The following TMEM259 variants were observed in gnomAD, a reference collection of about 807,000 sequenced individuals.
TMEM259 encodes the protein membralin.
In TMEM259, 26 loss-of-function variants were observed where a neutral mutation model predicts 46.7. That is an observed-to-expected ratio of 0.56 (90% CI 0.41 to 0.77). The LOEUF is 0.77. Ranked by LOEUF, TMEM259 falls within the 30% of genes least tolerant of loss-of-function variation. The probability of loss-of-function intolerance (pLI) is 0.00; values close to 1 mark genes in which losing one functional copy is unlikely to be tolerated. For missense variants in TMEM259, 930 were observed against 900.5 expected (o/e 1.03, Z -0.42); for synonymous variants, 494 against 395.1 (o/e 1.25, Z -2.97).
At position 1,010,171 on chromosome 19, in the gene TMEM259, C is replaced by T. The variant is rs1291004797; in HGVS notation, c.*179G>A. On this transcript the variant is annotated 3_prime_UTR_variant, in exon 11 of 11. Coordinates refer to ENST00000356663, the MANE Select transcript of TMEM259 (RefSeq NM_001033026.2). ...CTCACTAGCGGGTACAAGCCTCGGG[C>T]GCGACCTCACACCAGGGGGAGGAAA... 3 of 584,986 alleles carry T rather than the reference C, an allele frequency of 5.1e-6. No individual in the cohort carries two copies. The highest frequency in any genetic ancestry group is 8.5e-6 in the Non-Finnish European group (3 of 351,992). 36.2% of individuals were successfully genotyped at this position (584,986 alleles called of 1,614,324 possible).
At chr19:1,014,558 G>A (rs1012182787) in intron 1 of TMEM259, 85 bp from the exon 2 acceptor site, 1 of 1,129,976 alleles carries the variant, frequency 8.8e-7, no homozygotes, top group South Asian at 1.5e-5. Context: ...GCGTGATGGG[G>A]CGCGCTGGGA....
Position 1,012,045 on chromosome 19 carries a change from CGGCCCCGG to C in TMEM259, c.841+13_841+20del. ...GCCCCCACCCGCGCCCTCGCACCCT[CGGCCCCGG>C]GGCATGCCTCACCCTTGTTCTCCTC... On this transcript the variant is annotated intron_variant, in intron 5 of 10. Transcript: ENST00000356663. 6.2e-7 allele frequency: 1 copy of C among 1,611,896 alleles called. No individual in the cohort carries two copies. The highest frequency in any genetic ancestry group is 1.1e-5 in the South Asian group (1 of 91,008).
rs1253810109 is a variant in TMEM259 at position 1,012,072 on chromosome 19, TCTC to T, written c.832_834del (p.Glu278del). The T allele has an allele frequency of 2.5e-6, 4 of 1,612,046 alleles. No individual in the cohort carries two copies. The highest frequency in any genetic ancestry group is 1.3e-5 in the African/African-American group (1 of 74,878). On this transcript the variant is annotated inframe_deletion, in exon 5 of 11. Transcript: ENST00000356663. ...GCCCCGGGGCATGCCTCACCCTTGT[TCTC>T]CTCGTTCTCGGCCAGGCCCTTCACG...
intron 2 of TMEM259, among the ~76,000 whole-genome samples, chr19:1,013,935 C>T (rs1015296720): frequency 6.6e-6 from 1 of 152,194 alleles, no homozygotes; most frequent in Non-Finnish European, 1.5e-5. Flanking sequence ...CTCAAAGGCC[C>T]GAGTCTGCCC....
chr19:1,016,654 G>A (rs890810431), intron 1 of TMEM259, among the ~76,000 whole-genome samples: 7 of 152,198 alleles, frequency 4.6e-5, no homozygotes, highest in Non-Finnish European at 7.3e-5. Flanking sequence ...TGACACAGAG[G>A]TCCCGACAGA....
intron 4 of TMEM259, 51 bp downstream of exon 4, chr19:1,012,412 G>A: frequency 2.0e-6 from 3 of 1,537,966 alleles, no homozygotes; most frequent in South Asian, 1.2e-5. Flanking sequence ...ACCCGAGGGA[G>A]GAGGGGAGGC....
chr19:1,010,009 A>G lies in TMEM259; in HGVS notation c.*341T>C. 2.9e-6 allele frequency: 1 copy of G among 342,134 alleles called. No homozygotes were observed. Among genetic ancestry groups the G allele is most frequent in the Non-Finnish European group, 5.3e-6 (1 of 189,036 alleles). The allele number at this position is 342,134 out of a possible 1,614,324, so 21.2% of individuals were successfully genotyped here. On this transcript the variant is annotated 3_prime_UTR_variant, in exon 11 of 11. Coordinates refer to ENST00000356663, the MANE Select transcript of TMEM259 (RefSeq NM_001033026.2). ...CCCACCCCAAGCCGGCCTCTCCTCC[A>G]CACCTCCGCCTTGCTCAGAGACCTG...
chr19:1,012,417 G>A (rs112926823), intron 4 of TMEM259, 46 bp downstream of exon 4: 303,108 of 1,539,362 alleles, frequency 0.2, 31,080 homozygotes, highest in Non-Finnish European at 0.21. Context: ...AGGGAGGAGG[G>A]GAGGCCCCGC....
At chr19:1,012,393 C>T (rs1568402410) in intron 4 of TMEM259, 70 bp downstream of exon 4, 1 of 1,526,278 alleles carries the variant, frequency 6.6e-7, no homozygotes, top group Non-Finnish European at 8.8e-7. Context: ...CCCGCACCAG[C>T]AGGAGGAGAC....
In TMEM259 at chr19:1,014,323, G is replaced by A. The variant is rs2039036736; in HGVS notation, c.376C>T (p.Leu126=). 2.5e-6 allele frequency: 4 copies of A among 1,613,002 alleles called. No individual in the cohort carries two copies. Among genetic ancestry groups the A allele is most frequent in the African/African-American group, 1.3e-5 (1 of 74,948 alleles). The stretch of plus-strand genomic sequence containing the variant: ...CGGCCGCCGCTGTCACAGAACTGTA[G>A]GAAGACGGGCGCGCGGCTCGAGTTG... ...RHNSSRAPVF[L]QFCDSGGRGS... The change falls in exon 2 of 11, where the codon CTA becomes TTA. Residue 126 remains leucine, a synonymous_variant. Coordinates refer to ENST00000356663, the MANE Select transcript of TMEM259 (RefSeq NM_001033026.2).
Position 1,011,726 on chromosome 19 carries a change from C to CG in TMEM259, c.1000+14dup. 1 of 1,537,602 alleles carries CG rather than the reference C, an allele frequency of 6.5e-7. No individual in the cohort carries two copies. Among genetic ancestry groups the CG allele is most frequent in the Non-Finnish European group, 8.8e-7 (1 of 1,139,830 alleles). ...GGAGGACGCCCGCCCCGCCCTGCGC[C>CG]GGCGGGACACTCACCGATGAAGACG... On this transcript the variant is annotated intron_variant, in intron 7 of 10. Transcript: ENST00000356663.
rs1402209546 is a variant in TMEM259, at chr19:1,014,329, C to T, written c.370G>A (p.Val124Ile). The change falls in exon 2 of 11, where the codon GTC becomes ATC. Residue 124 changes from valine (V) to isoleucine (I), a missense_variant. Coordinates refer to ENST00000356663, the MANE Select transcript of TMEM259 (RefSeq NM_001033026.2). ...EVRHNSSRAPVFLQFCDSGGR... is the reference protein window; with the variant it reads ...EVRHNSSRAPIFLQFCDSGGR... ...CCGCTGTCACAGAACTGTAGGAAGA[C>T]GGGCGCGCGGCTCGAGTTGTGCCGC... 3.1e-6 allele frequency: 5 copies of T among 1,613,108 alleles called. No individual in the cohort carries two copies. The highest frequency in any genetic ancestry group is 1.7e-5 in the Admixed American group (1 of 60,022).
chr19:1,010,975 G>A (rs2038893405), intron 10 of TMEM259, 80 bp from the exon 11 acceptor site: 1 of 1,549,856 alleles, frequency 6.5e-7, no homozygotes, highest in Non-Finnish European at 8.7e-7. Context: ...AGCCCACCCG[G>A]GACCATCCAC....
chr19:1,014,578 C>T, intron 1 of TMEM259, 105 bp from the exon 2 acceptor site: 13 of 1,326,642 alleles, frequency 9.8e-6, no homozygotes, highest in Non-Finnish European at 1.2e-5. Context: ...ACGCCCAGGA[C>T]GGGGAAAGGA....
intron 3 of TMEM259, 71 bp downstream of exon 3, chr19:1,013,170 C>T: frequency 7.2e-7 from 1 of 1,379,528 alleles, no homozygotes; most frequent in Non-Finnish European, 1.0e-6. Context: ...TCGGAGGGAC[C>T]CCGCCTGCAC....
At position 1,011,571 on chromosome 19, in the gene TMEM259, G is replaced by C; in HGVS notation, c.1084+9C>G. 6.5e-7 allele frequency: 1 copy of C among 1,541,688 alleles called. No homozygotes were observed. The highest frequency in any genetic ancestry group is 8.7e-7 in the Non-Finnish European group (1 of 1,144,750). ...GCGCGGGGCGGGGGAGGCCGGGTGG[G>C]GTCCTCACCGACGAGGGCCAGGATG... On this transcript the variant is annotated intron_variant, in intron 8 of 10. Coordinates refer to ENST00000356663, the MANE Select transcript of TMEM259 (RefSeq NM_001033026.2).
chr19:1,010,323 G>A lies in TMEM259; in HGVS notation c.*27C>T. On this transcript the variant is annotated 3_prime_UTR_variant, in exon 11 of 11. Coordinates refer to ENST00000356663, the MANE Select transcript of TMEM259 (RefSeq NM_001033026.2). ...CGGGAAGGTCAGGCCCAGCCAGCAG[G>A]GGTCAGAGGCGGCTCAGCTGTGCGG... The A allele has an allele frequency of 1.4e-6, 2 of 1,444,086 alleles. No individual in the cohort carries two copies. The highest frequency in any genetic ancestry group is 1.8e-6 in the Non-Finnish European group (2 of 1,107,426). 89.5% of individuals were successfully genotyped at this position (1,444,086 alleles called of 1,614,324 possible).
chr19:1,010,352 AG>A lies in TMEM259; in HGVS notation c.1860del (p.Ter621GlufsTer5). The A allele has an allele frequency of 6.7e-7, 1 of 1,487,532 alleles. No individual in the cohort carries two copies. The highest frequency in any genetic ancestry group is 2.6e-5 in the Admixed American group (1 of 38,064). The allele number at this position is 1,487,532 out of a possible 1,614,324, so 92.1% of individuals were successfully genotyped here. On this transcript the variant is annotated frameshift_variant, in exon 11 of 11. Transcript: ENST00000356663. LOFTEE classifies it high-confidence loss of function. ...APTEAPSEVGS is the reference protein window; with the variant it reads ...APTEAPSEVGX Reference sequence around the variant, plus strand: ...CAGAGGCGGCTCAGCTGTGCGGCTCAGGACCCCACCTCCGAGGGCGCCTCCG... The same window carrying A: ...CAGAGGCGGCTCAGCTGTGCGGCTCAGACCCCACCTCCGAGGGCGCCTCCG...
At chr19:1,012,718 G>A (rs2038979012) in intron 3 of TMEM259, 145 bp from the exon 4 acceptor site, 1 of 1,103,328 alleles carries the variant, frequency 9.1e-7, no homozygotes, top group Non-Finnish European at 1.3e-6. Flanking sequence ...CCCCTACATG[G>A]ACACTTGGGA....
Sources: allele counts gnomAD v4.1 joint callset (sites outside exome capture counted in the v4.1 genomes callset), GRCh38; gene constraint gnomAD v4.1.1; transcripts MANE v1.5; gene names NCBI Gene and HGNC (gene_info 2026-07-23, HGNC 2026-07-21).